The following KCNJ13 variants were observed in gnomAD, a reference collection of about 807,000 sequenced individuals.
The protein encoded by KCNJ13 is inward rectifier potassium channel 13.
A neutral mutation model predicts 24.6 loss-of-function variants in KCNJ13; 9 were observed. The ratio of observed to expected loss-of-function variants is 0.37; its 90% confidence interval spans 0.22 to 0.64. The LOEUF is 0.64. KCNJ13 is among the 30% of genes least tolerant of loss of function. KCNJ13 has a pLI of 0.64. For synonymous variants in KCNJ13, 148 were observed against 154.7 expected (o/e 0.96, Z 0.32); for missense variants, 337 against 443.8 (o/e 0.76, Z 2.16).
At chr2:232,772,607 C>T (rs768738304) in intron 1 of KCNJ13, among the ~76,000 whole-genome samples, 4 of 152,124 alleles carry the variant, frequency 2.6e-5, no homozygotes, top group Non-Finnish European at 2.9e-5. Context: ...ATCATCCTTG[C>T]GTATGACAAA....
In KCNJ13 at chr2:232,766,078, A is replaced by G; in HGVS notation, c.*2113T>C. ...GTTACTTCCTTTTCCTCAGAGGATA[A>G]TGGTCTTTCTATAGAAAACCTAATC... On this transcript the variant is annotated 3_prime_UTR_variant, in exon 3 of 3. Transcript: ENST00000233826. 2.1e-6 allele frequency: 1 copy of G among 466,708 alleles called. No individual in the cohort carries two copies. Among genetic ancestry groups the G allele is most frequent in the East Asian group, 7.0e-5 (1 of 14,328 alleles). 28.9% of individuals were successfully genotyped at this position (466,708 alleles called of 1,614,324 possible). A position where few individuals can be genotyped will look rare whatever the true frequency, so the allele number is the denominator to read the frequency against.
In KCNJ13 at chr2:232,768,805, CA is replaced by C; in HGVS notation, c.468del (p.Phe156LeufsTer22). On this transcript the variant is annotated frameshift_variant, in exon 3 of 3. Transcript: ENST00000233826. LOFTEE classifies it high-confidence loss of function. ...LMLEAFITGA[F>X]VAKIARPKNR... Reference sequence around the variant, plus strand: ...TTTTTTGGCCGGGCAATCTTCGCCACAAAAGCACCTAAATAAGAAATTATTG... The same window carrying C: ...TTTTTTGGCCGGGCAATCTTCGCCACAAAGCACCTAAATAAGAAATTATTG... 6.2e-7 allele frequency: 1 copy of C among 1,604,582 alleles called. No individual in the cohort carries two copies.
chr2:232,770,014 A>G (rs927019777), intron 2 of KCNJ13, among the ~76,000 whole-genome samples: 2 of 152,144 alleles, frequency 1.3e-5, no homozygotes, highest in African/African-American at 4.8e-5. Flanking sequence ...CCAAATTTCA[A>G]TTAGTGGTTA....
In KCNJ13 at chr2:232,771,279, T is replaced by G. The variant is rs1267145444; in HGVS notation, c.84A>C (p.Thr28=). ...CTCTTTGAGCGCCATCCATTTGAAG[T>G]GTGCTGTGGCCATCCTTGGTGACCA... The part of the protein sequence containing the change: ...RRMVTKDGHS[T]LQMDGAQRGL... The change falls in exon 2 of 3, where the codon ACA becomes ACC. Residue 28 remains threonine, a synonymous_variant. Transcript: ENST00000233826. 1.2e-6 allele frequency: 2 copies of G among 1,608,808 alleles called. No homozygotes were observed. Among genetic ancestry groups the G allele is most frequent in the Non-Finnish European group, 8.5e-7 (1 of 1,176,980 alleles).
At chr2:232,775,736 T>C (rs1699485206) in intron 1 of KCNJ13, among the ~76,000 whole-genome samples, 1 of 152,190 alleles carries the variant, frequency 6.6e-6, no homozygotes, top group African/African-American at 2.4e-5. Context: ...GTTGCCATGA[T>C]AAAAAATAGT....
Position 232,771,316 on chromosome 2 carries a change from C to T in KCNJ13, c.47G>A (p.Arg16Lys), listed in dbSNP as rs1308748448. The change falls in exon 2 of 3, where the codon AGA becomes AAA. Residue 16 changes from arginine (R) to lysine (K), a missense_variant. This residue lies in a region of KCNJ13 where 101 missense variants were observed against 139.2 expected (regional missense o/e 0.73). Transcript: ENST00000233826. ...ATCCTTGGTGACCATCCTCCGGTATCTTTGACTTAGGAGAGGAGCAATAAC... is the reference window on the plus strand; with the variant it reads ...ATCCTTGGTGACCATCCTCCGGTATTTTTGACTTAGGAGAGGAGCAATAAC... ...CKVIAPLLSQRYRRMVTKDGH... is the reference protein window; with the variant it reads ...CKVIAPLLSQKYRRMVTKDGH... 6.2e-7 allele frequency: 1 copy of T among 1,612,064 alleles called. No homozygotes were observed. The highest frequency in any genetic ancestry group is 8.5e-7 in the Non-Finnish European group (1 of 1,179,018).
At chr2:232,773,436 G>T (rs1201531402) in intron 1 of KCNJ13, among the ~76,000 whole-genome samples, 5 of 152,024 alleles carry the variant, frequency 3.3e-5, no homozygotes, top group African/African-American at 4.8e-5. Context: ...TATTTGGATG[G>T]TTATTCAAGT....
At chr2:232,772,917 G>A (rs1344878769) in intron 1 of KCNJ13, among the ~76,000 whole-genome samples, 1 of 152,038 alleles carries the variant, frequency 6.6e-6, no homozygotes, top group Non-Finnish European at 1.5e-5. Context: ...CTGTGTTGTT[G>A]GAATTGGATA....
At position 232,768,129 on chromosome 2, in the gene KCNJ13, TAAAGAA is replaced by T; in HGVS notation, c.*56_*61del. ...TGAAAAAAGAAAACATGAGATACAG[TAAAGAA>T]AAAGTAGCTGCATAACTGGCTGGGT... is the stretch of plus-strand genomic sequence containing the variant. On this transcript the variant is annotated 3_prime_UTR_variant, in exon 3 of 3. Coordinates refer to ENST00000233826, the MANE Select transcript of KCNJ13 (RefSeq NM_002242.4). 1 of 1,541,294 alleles carries T rather than the reference TAAAGAA, an allele frequency of 6.5e-7. No individual in the cohort carries two copies. The highest frequency in any genetic ancestry group is 2.2e-5 in the East Asian group (1 of 44,484).
intron 2 of KCNJ13, 69 bp downstream of exon 2, chr2:232,770,834 C>G (rs1699213789): frequency 2.7e-6 from 3 of 1,092,352 alleles, no homozygotes; most frequent in Non-Finnish European, 4.1e-6. Context: ...TATACCCTTT[C>G]CAAACACCTG....
rs965786351 is a variant in KCNJ13, at chr2:232,767,574, G to A, written c.*617C>T. ...AGTGAACATATATGTATGTGTTCGG[G>A]TGTCATGTTCAAATGCTTTTAGGTT... On this transcript the variant is annotated 3_prime_UTR_variant, in exon 3 of 3. Coordinates refer to ENST00000233826, the MANE Select transcript of KCNJ13 (RefSeq NM_002242.4). 2 of 154,866 alleles carry A rather than the reference G, an allele frequency of 1.3e-5. No individual in the cohort carries two copies. The highest frequency in any genetic ancestry group is 2.9e-5 in the Non-Finnish European group (2 of 69,598). 9.6% of individuals were successfully genotyped at this position (154,866 alleles called of 1,614,324 possible).
intron 1 of KCNJ13, among the ~76,000 whole-genome samples, chr2:232,773,334 A>G (rs1413102172): frequency 2.0e-5 from 3 of 152,178 alleles, no homozygotes; most frequent in Admixed American, 2.0e-4. Flanking sequence ...TCAGTATCTC[A>G]ACAAGATAGC....
intron 1 of KCNJ13, among the ~76,000 whole-genome samples, chr2:232,774,599 T>C (rs1446308): frequency 0.33 from 50,529 of 152,022 alleles, 8,716 homozygotes; most frequent in South Asian, 0.62. Flanking sequence ...GGAAGAAGGA[T>C]ATAACAATGA....
At chr2:232,772,978 T>A (rs905780053) in intron 1 of KCNJ13, among the ~76,000 whole-genome samples, 24 of 152,140 alleles carry the variant, frequency 1.6e-4, no homozygotes, top group African/African-American at 2.4e-5. Flanking sequence ...TAACTTAACA[T>A]TTATTGGTGA....
intron 1 of KCNJ13, among the ~76,000 whole-genome samples, chr2:232,775,792 A>G (rs1487408148): frequency 6.6e-6 from 1 of 152,240 alleles, no homozygotes; most frequent in African/African-American, 2.4e-5. Flanking sequence ...ACTAACAAAC[A>G]TTAAATGAAG....
Position 232,771,411 on chromosome 2 carries a change from CT to C in KCNJ13, c.-16-34del, listed in dbSNP as rs756848152. ...CAAGAGTAAATTAGTAAGCTCTTAACTGTTTTATAGTTAATGTTTGTGAATT... is the reference window on the plus strand; with the variant it reads ...CAAGAGTAAATTAGTAAGCTCTTAACGTTTTATAGTTAATGTTTGTGAATT... On this transcript the variant is annotated intron_variant, in intron 1 of 2. Coordinates refer to ENST00000233826, the MANE Select transcript of KCNJ13 (RefSeq NM_002242.4). The C allele has an allele frequency of 2.9e-6, 4 of 1,374,086 alleles. No individual in the cohort carries two copies. The African/African-American group carries it at 5.7e-5, about 20-fold the overall frequency. The allele number at this position is 1,374,086 out of a possible 1,614,324, so 85.1% of individuals were successfully genotyped here. A position where few individuals can be genotyped will look rare whatever the true frequency, so the allele number is the denominator to read the frequency against.
rs1699048908 is a variant in KCNJ13, at chr2:232,768,093, A to G, written c.*98T>C. The stretch of plus-strand genomic sequence containing the variant: ...CATGATTACCGTGATGTAGAGAGCT[A>G]TAATTAGCATTGAAAAAAGAAAACA... On this transcript the variant is annotated 3_prime_UTR_variant, in exon 3 of 3. Transcript: ENST00000233826. 3 of 1,195,338 alleles carry G rather than the reference A, an allele frequency of 2.5e-6. No homozygotes were observed. The highest frequency in any genetic ancestry group is 1.2e-5 in the South Asian group (1 of 80,236). 74.0% of individuals were successfully genotyped at this position (1,195,338 alleles called of 1,614,324 possible). A position where few individuals can be genotyped will look rare whatever the true frequency, so the allele number is the denominator to read the frequency against.
Position 232,766,545 on chromosome 2 carries a change from T to G in KCNJ13, c.*1646A>C, listed in dbSNP as rs1698969855. On this transcript the variant is annotated 3_prime_UTR_variant, in exon 3 of 3. Coordinates refer to ENST00000233826, the MANE Select transcript of KCNJ13 (RefSeq NM_002242.4). ...TAGAAATAAGAATTCTTGCTGTCTT[T>G]ATGTGTTACAATAGTCTTGGGTTGG... 1 of 152,586 alleles carries G rather than the reference T, an allele frequency of 6.6e-6. No homozygotes were observed. The highest frequency in any genetic ancestry group is 1.5e-5 in the Non-Finnish European group (1 of 68,334). 9.5% of individuals were successfully genotyped at this position (152,586 alleles called of 1,614,324 possible).
chr2:232,773,220 T>C (rs1699343952), intron 1 of KCNJ13, among the ~76,000 whole-genome samples: 1 of 152,228 alleles, frequency 6.6e-6, no homozygotes, highest in Non-Finnish European at 1.5e-5. Context: ...TTTGTTAGAT[T>C]ATTTTTAAAT....
Sources: allele counts gnomAD v4.1 joint callset (sites outside exome capture counted in the v4.1 genomes callset), GRCh38; gene constraint gnomAD v4.1.1; regional missense constraint gnomAD v4.1.1; transcripts MANE v1.5; gene names NCBI Gene and HGNC (gene_info 2026-07-23, HGNC 2026-07-21).